Variants in NDE1 observed in about 807,000 individuals in gnomAD.
NDE1 encodes the protein nudE neurodevelopment protein 1.
Under a neutral mutation model 43.4 loss-of-function variants are expected in NDE1, and 28 were observed. That is an observed-to-expected ratio of 0.65 (90% CI 0.48 to 0.89). The LOEUF is 0.89. Among genes scored for constraint, NDE1 ranks in the 40% least tolerant of loss-of-function variants. The pLI is 0.00. For synonymous variants in NDE1, 184 were observed against 172.0 expected (o/e 1.07, Z -0.55); for missense variants, 441 against 434.1 (o/e 1.02, Z -0.14).
At chr16:15,645,006 A>G (rs12923453) in intron 1 of NDE1, among the ~76,000 whole-genome samples, 6,850 of 141,460 alleles carry the variant, frequency 0.048, 305 homozygotes, top group East Asian at 0.17. Context: ...TGCAGCCTCC[A>G]CCTCCCGGGT....
chr16:15,718,995 G>A, intron 8 of NDE1: 1 of 578,108 alleles, frequency 1.7e-6, no homozygotes, highest in Non-Finnish European at 3.1e-6. Context: ...AGGCATGGTG[G>A]TACACACCTG....
intron 8 of NDE1, chr16:15,719,754 C>T: frequency 6.2e-7 from 1 of 1,613,406 alleles, no homozygotes; most frequent in Non-Finnish European, 8.5e-7. Flanking sequence ...GATGTCCTTA[C>T]TCCCCCAAGT....
chr16:15,672,254 G>A (rs564024282), intron 3 of NDE1, among the ~76,000 whole-genome samples: 1 of 152,156 alleles, frequency 6.6e-6, no homozygotes, highest in East Asian at 1.9e-4. Context: ...CTAACATGGT[G>A]AAACCCCGTC....
exon 1 of NDE1, chr16:15,643,449 G>T (rs2036198409): frequency 2.3e-6 from 1 of 443,462 alleles, no homozygotes; most frequent in African/African-American, 2.1e-5. Flanking sequence ...CGGAGAATGA[G>T]CTCGTGACGT....
At chr16:15,672,810 C>T (rs2037664564) in intron 3 of NDE1, 2 of 152,154 alleles carry the variant, frequency 1.3e-5, no homozygotes, top group Admixed American at 6.6e-5. Flanking sequence ...GGAGATGTTC[C>T]CAAATAAAGG....
chr16:15,644,783 T>C lies in NDE1; in HGVS notation c.-166+856T>C, dbSNP rs537596300. ...GTGTTTTTTCCCCATTTTATTTCAGTTGAGTATGTTTCAACACAAGCCATA... is the reference window on the plus strand; with the variant it reads ...GTGTTTTTTCCCCATTTTATTTCAGCTGAGTATGTTTCAACACAAGCCATA... On this transcript the variant is annotated intron_variant, in intron 1 of 9. Coordinates refer to the NDE1 transcript ENST00000396355. 3.9e-4 allele frequency among the ~76,000 whole-genome samples: 59 copies of C among 152,304 alleles called. 1 individual carries two copies. In the South Asian group the frequency reaches 0.011, roughly 29 times the overall value.
At chr16:15,694,470 C>A in intron 7 of NDE1, 1 of 1,329,502 alleles carries the variant, frequency 7.5e-7, no homozygotes, top group Admixed American at 2.1e-5. Flanking sequence ...CTTAGCTTCC[C>A]GAGGAGCTTG....
At chr16:15,719,491 C>T (rs531846632) in intron 8 of NDE1, 53 of 1,589,272 alleles carry the variant, frequency 3.3e-5, no homozygotes, top group East Asian at 1.3e-4. Flanking sequence ...CAGAGGAGGA[C>T]GAAATGAAAT....
At chr16:15,711,542 C>T (rs771742567) in intron 8 of NDE1, among the ~76,000 whole-genome samples, 11 of 152,082 alleles carry the variant, frequency 7.2e-5, no homozygotes, top group Non-Finnish European at 1.3e-4. Context: ...CCGTTATATT[C>T]ATGTATGATT....
chr16:15,669,997 C>G (rs2037511211), intron 3 of NDE1, among the ~76,000 whole-genome samples: 1 of 152,176 alleles, frequency 6.6e-6, no homozygotes, highest in Non-Finnish European at 1.5e-5. Context: ...ACACCGTGCC[C>G]CAGAGACTGG....
chr16:15,690,839 C>G (rs919040861), intron 5 of NDE1, among the ~76,000 whole-genome samples: 14 of 152,124 alleles, frequency 9.2e-5, no homozygotes, highest in African/African-American at 3.4e-4. Context: ...CGTAGTCTTG[C>G]TCTTGTCACC....
intron 2 of NDE1, among the ~76,000 whole-genome samples, chr16:15,665,167 G>A (rs2037239556): frequency 6.6e-6 from 1 of 151,856 alleles, no homozygotes; most frequent in African/African-American, 2.4e-5. Context: ...GGGACTACAG[G>A]TGTGAGCTCT....
At chr16:15,722,179 C>T (rs1190126622) in intron 8 of NDE1, among the ~76,000 whole-genome samples, 3 of 152,120 alleles carry the variant, frequency 2.0e-5, no homozygotes, top group African/African-American at 7.2e-5. Context: ...GCTTCGAAAC[C>T]ACTAGACCTG....
chr16:15,708,688 G>A, intron 8 of NDE1: 2 of 1,150,810 alleles, frequency 1.7e-6, no homozygotes, highest in Non-Finnish European at 2.6e-6. Flanking sequence ...GATTTTGCAA[G>A]AATCTCGTGG....
intron 1 of NDE1, among the ~76,000 whole-genome samples, chr16:15,661,707 G>T (rs1402445480): frequency 6.6e-6 from 1 of 151,964 alleles, no homozygotes. Flanking sequence ...GCCTACCAAT[G>T]TGCTGGGATT....
chr16:15,654,017 C>G (rs185108187), intron 1 of NDE1, among the ~76,000 whole-genome samples: 1 of 152,196 alleles, frequency 6.6e-6, no homozygotes, highest in Admixed American at 6.5e-5. Context: ...AGGCATGAGC[C>G]ACCACACCCG....
Position 15,725,164 on chromosome 16 carries a change from A to G in NDE1, c.*913A>G, listed in dbSNP as rs760024. 2 of 641,896 alleles carry G rather than the reference A, an allele frequency of 3.1e-6. No homozygotes were observed. Among genetic ancestry groups the G allele is most frequent in the African/African-American group, 1.9e-5 (1 of 53,518 alleles). 39.8% of individuals were successfully genotyped at this position (641,896 alleles called of 1,614,324 possible). A position where few individuals can be genotyped will look rare whatever the true frequency, so the allele number is the denominator to read the frequency against. On this transcript the variant is annotated 3_prime_UTR_variant, in exon 9 of 9. Transcript: ENST00000396354. The stretch of plus-strand genomic sequence containing the variant: ...AAAAAAAAAAACACACACACACACA[A>G]AAAAAACAGAATCTGTGGCTTGAAG...
chr16:15,667,195 G>A (rs1596564597), intron 2 of NDE1, 91 bp from the exon 3 acceptor site: 5 of 1,418,728 alleles, frequency 3.5e-6, no homozygotes, highest in South Asian at 3.4e-5. Context: ...GCAGTGAGAC[G>A]AGATTGCAGC....
Position 15,724,535 on chromosome 16 carries a change from T to C in NDE1, c.*284T>C, listed in dbSNP as rs936751775. 6.2e-7 allele frequency: 1 copy of C among 1,607,010 alleles called. No homozygotes were observed. The highest frequency in any genetic ancestry group is 1.1e-5 in the South Asian group (1 of 90,858). On this transcript the variant is annotated 3_prime_UTR_variant, in exon 9 of 9. Coordinates refer to ENST00000396354, the MANE Select transcript of NDE1 (RefSeq NM_017668.3). ...GGAGAAACCCAATAGCAGGGGAAGC[T>C]GGGGGGTCAAGCACCATCGCACCAA...
Sources: allele counts gnomAD v4.1 joint callset (sites outside exome capture counted in the v4.1 genomes callset), GRCh38; gene constraint gnomAD v4.1.1; transcripts MANE v1.5; gene names NCBI Gene and HGNC (gene_info 2026-07-23, HGNC 2026-07-21).